Variants in TRPV1 observed in about 807,000 individuals in gnomAD.
TRPV1 encodes OTRPC1.
TRPV1 carries 82 observed loss-of-function variants against 82.3 expected under a neutral mutation model. The observed-to-expected ratio is 1.00, with a 90% CI of 0.83 to 1.20. TRPV1 has a LOEUF of 1.20. Among genes scored for constraint, TRPV1 ranks in the 50% most tolerant of loss-of-function variants. The pLI is 0.00. For synonymous variants in TRPV1, 515 were observed against 467.7 expected (o/e 1.10, Z -1.30); for missense variants, 1,067 against 1,096.8 (o/e 0.97, Z 0.38).
intron 7 of TRPV1, among the ~76,000 whole-genome samples, chr17:3,588,579 C>A (rs1184564703): frequency 6.6e-6 from 1 of 151,856 alleles, no homozygotes. Flanking sequence ...GAGGCTGAGG[C>A]GGGTGGATCA....
intron 13 of TRPV1, among the ~76,000 whole-genome samples, chr17:3,574,916 T>TAAA (rs2074909277): frequency 2.2e-5 from 1 of 45,152 alleles, no homozygotes. Context: ...AGACTCTATC[T>TAAA]CAAAAAAAAA....
At chr17:3,590,906 C>A (rs2075148024) in intron 5 of TRPV1, 58 bp downstream of exon 5, 3 of 1,434,024 alleles carry the variant, frequency 2.1e-6, no homozygotes, top group African/African-American at 1.9e-5. Flanking sequence ...GACAACCATG[C>A]CCCCCTGCTT....
Position 3,576,690 on chromosome 17 carries a change from T to TATATAC in TRPV1, c.1780+435_1780+436insGTATAT, listed in dbSNP as rs71153375. 3.9e-5 allele frequency among the ~76,000 whole-genome samples: 4 copies of TATATAC among 101,956 alleles called. 1 individual carries two copies. The highest frequency in any genetic ancestry group is 2.3e-4 in the Admixed American group (2 of 8,678). 66.9% of individuals were successfully genotyped at this position (101,956 alleles called of 152,430 possible). On this transcript the variant is annotated intron_variant, in intron 13 of 16. Transcript: ENST00000572705. ...AAAAATATATATATATATATATATA[T>TATATAC]GCATAAAAACTAGCCGGGCATGGTC...
chr17:3,583,499 C>T, intron 9 of TRPV1, 69 bp from the exon 10 acceptor site: 2 of 1,280,306 alleles, frequency 1.6e-6, no homozygotes, highest in Non-Finnish European at 2.2e-6. Context: ...GGACCAGGTC[C>T]ATGAAGCCAT....
intron 16 of TRPV1, among the ~76,000 whole-genome samples, chr17:3,567,839 C>T (rs1241940495): frequency 6.6e-5 from 10 of 152,078 alleles, no homozygotes; most frequent in Admixed American, 3.9e-4. Context: ...ATCCCCCATC[C>T]CTGCCCCAGT....
rs752057134 is a variant in TRPV1, at chr17:3,566,857, G to A, written c.2478C>T (p.Asp826=). ...RQFSGSLKPE[D]AEVFKSPAAS... is the part of the protein sequence containing the mutation. ...CGGCAGGACTCTTGAAGACCTCAGC[G>A]TCCTCTGGCTTCAGAGACCCTGAAA... The change falls in exon 17 of 17, where the codon GAC becomes GAT. Residue 826 remains aspartate (D), a synonymous_variant. Coordinates refer to ENST00000572705, the MANE Select transcript of TRPV1 (RefSeq NM_080704.4). The A allele has an allele frequency of 2.0e-5, 32 of 1,613,854 alleles. No homozygotes were observed. The highest frequency in any genetic ancestry group is 1.3e-4 in the East Asian group (6 of 44,886).
At chr17:3,604,324 G>A (rs531770981) in intron 2 of TRPV1, among the ~76,000 whole-genome samples, 142 of 152,346 alleles carry the variant, frequency 9.3e-4, no homozygotes, top group African/African-American at 2.9e-3. Context: ...TAGGCCAGGC[G>A]TGGTGGCTCA....
At chr17:3,571,689 G>T in intron 15 of TRPV1, 50 bp from the exon 16 acceptor site, 1 of 1,466,490 alleles carries the variant, frequency 6.8e-7, no homozygotes, top group East Asian at 2.4e-5. Flanking sequence ...CAGCTTCCCG[G>T]GCCAAGGGCT....
chr17:3,581,996 C>G (rs553742252), intron 10 of TRPV1, among the ~76,000 whole-genome samples: 16 of 147,176 alleles, frequency 1.1e-4, no homozygotes, highest in South Asian at 4.4e-4. Context: ...CGAGACCATC[C>G]TGGCTAACAC....
At chr17:3,596,311 C>T (rs756362231) in intron 2 of TRPV1, among the ~76,000 whole-genome samples, 1 of 152,182 alleles carries the variant, frequency 6.6e-6, no homozygotes, top group Non-Finnish European at 1.5e-5. Flanking sequence ...ATCCATCCAT[C>T]CATCCATCCA....
At chr17:3,598,307 T>C (rs1484058735) in intron 2 of TRPV1, among the ~76,000 whole-genome samples, 1 of 152,180 alleles carries the variant, frequency 6.6e-6, no homozygotes, top group African/African-American at 2.4e-5. Context: ...GTCAAGGCAT[T>C]GAAGTGTGGC....
At chr17:3,597,940 G>C (rs1223516219) in intron 2 of TRPV1, among the ~76,000 whole-genome samples, 2 of 152,138 alleles carry the variant, frequency 1.3e-5, no homozygotes, top group Non-Finnish European at 2.9e-5. Flanking sequence ...CCAAAGTGCT[G>C]GGATTCCAGG....
intron 10 of TRPV1, among the ~76,000 whole-genome samples, chr17:3,581,808 C>A (rs1449962220): frequency 6.8e-6 from 1 of 147,828 alleles, no homozygotes; most frequent in Non-Finnish European, 1.5e-5. Flanking sequence ...TCACTTGAAC[C>A]CAGGAGGTGG....
At chr17:3,576,688 T>TATATATATGC (rs1555549476) in intron 13 of TRPV1, among the ~76,000 whole-genome samples, 2 of 99,320 alleles carry the variant, frequency 2.0e-5, no homozygotes, top group African/African-American at 6.9e-5. Flanking sequence ...TATATATATA[T>TATATATATGC]ATGCATAAAA....
intron 10 of TRPV1, among the ~76,000 whole-genome samples, chr17:3,582,111 AC>A (rs1399489874): frequency 2.1e-5 from 3 of 139,564 alleles, no homozygotes; most frequent in Non-Finnish European, 4.5e-5. Flanking sequence ...AATGGCGTGA[AC>A]CCAGGAGGCG....
intron 5 of TRPV1, 131 bp downstream of exon 5, chr17:3,590,833 G>A (rs748937388): frequency 3.9e-6 from 5 of 1,277,650 alleles, no homozygotes; most frequent in Non-Finnish European, 4.2e-6. Flanking sequence ...CCTAGGATTA[G>A]GAGCCACCAA....
intron 2 of TRPV1, among the ~76,000 whole-genome samples, chr17:3,599,031 G>A (rs552170182): frequency 5.5e-4 from 83 of 150,078 alleles, no homozygotes; most frequent in African/African-American, 1.8e-3. Flanking sequence ...CTGAGGTCAG[G>A]AGTTTGAGAC....
intron 2 of TRPV1, among the ~76,000 whole-genome samples, chr17:3,607,747 G>A (rs947918748): frequency 2.0e-5 from 3 of 151,880 alleles, no homozygotes; most frequent in Non-Finnish European, 2.9e-5. Flanking sequence ...ACGTTGGCCA[G>A]GTTGGTTTCA....
intron 16 of TRPV1, among the ~76,000 whole-genome samples, chr17:3,570,928 G>A (rs1371834477): frequency 1.3e-5 from 2 of 152,144 alleles, no homozygotes; most frequent in Non-Finnish European, 2.9e-5. Context: ...TGTTGGCCAA[G>A]CTGGTCTCAA....
Sources: allele counts gnomAD v4.1 joint callset (sites outside exome capture counted in the v4.1 genomes callset), GRCh38; gene constraint gnomAD v4.1.1; transcripts MANE v1.5; gene names NCBI Gene and HGNC (gene_info 2026-07-23, HGNC 2026-07-21).